Variants in SGCZ observed in about 807,000 individuals in gnomAD.
The protein encoded by SGCZ is sarcoglycan zeta.
In SGCZ, 40 loss-of-function variants were observed where a neutral mutation model predicts 41.3. The observed-to-expected ratio is 0.97, with a 90% CI of 0.75 to 1.26. The LOEUF (loss-of-function observed/expected upper bound fraction) is 1.26, where lower values mean the gene tolerates loss of function less well. Among genes scored for constraint, SGCZ ranks in the 50% most tolerant of loss-of-function variants. The probability of loss-of-function intolerance (pLI) is 0.00; values close to 1 mark genes in which losing one functional copy is unlikely to be tolerated. For synonymous variants in SGCZ, 206 were observed against 137.5 expected (o/e 1.50, Z -3.49); for missense variants, 552 against 369.8 (o/e 1.49, Z -4.04).
chr8:14,779,075 A>T (rs537622985), intron 1 of SGCZ, among the ~76,000 whole-genome samples: 2 of 152,212 alleles, frequency 1.3e-5, no homozygotes, highest in African/African-American at 4.8e-5. Context: ...ACTCAAGTGC[A>T]TATTTTCAAG....
chr8:14,102,075 TTTATATATA>T (rs1325093998), intron 7 of SGCZ, among the ~76,000 whole-genome samples: 597 of 31,042 alleles, frequency 0.019, 5 homozygotes, highest in Admixed American at 0.047. Context: ...CTTGGCTAAC[TTTATATATA>T]TATATATATA....
chr8:14,855,123 G>A (rs965399630), intron 1 of SGCZ, among the ~76,000 whole-genome samples: 1 of 151,794 alleles, frequency 6.6e-6, no homozygotes, highest in Admixed American at 6.6e-5. Context: ...CACAATCTTG[G>A]CTCACTGCAA....
intron 2 of SGCZ, among the ~76,000 whole-genome samples, chr8:14,427,889 T>G (rs936433293): frequency 5.9e-5 from 9 of 152,098 alleles, no homozygotes; most frequent in African/African-American, 2.2e-4. Context: ...AAATAATGCA[T>G]TAAAAAACAG....
At chr8:15,184,455 A>G (rs950888131) in intron 1 of SGCZ, among the ~76,000 whole-genome samples, 2 of 152,146 alleles carry the variant, frequency 1.3e-5, no homozygotes, top group Non-Finnish European at 1.5e-5. Flanking sequence ...AAATCTGAGA[A>G]GTTGTATCGG....
At chr8:14,290,600 A>G (rs374845419) in intron 3 of SGCZ, among the ~76,000 whole-genome samples, 63 of 152,244 alleles carry the variant, frequency 4.1e-4, no homozygotes, top group Admixed American at 4.6e-4. Context: ...AACATCACTC[A>G]TCATTACAAA....
chr8:15,152,211 C>T (rs1310508728), intron 1 of SGCZ, among the ~76,000 whole-genome samples: 3 of 152,084 alleles, frequency 2.0e-5, no homozygotes, highest in African/African-American at 7.2e-5. Flanking sequence ...ATTGCTGAAT[C>T]ACAGGAAACA....
intron 1 of SGCZ, among the ~76,000 whole-genome samples, chr8:14,874,475 A>C (rs1413282996): frequency 1.3e-5 from 2 of 152,294 alleles, no homozygotes; most frequent in Admixed American, 6.5e-5. Context: ...AGATGAAATT[A>C]TTCTTTATCC....
intron 1 of SGCZ, among the ~76,000 whole-genome samples, chr8:15,084,897 T>C (rs1394400255): frequency 6.6e-6 from 1 of 152,178 alleles, no homozygotes; most frequent in South Asian, 2.1e-4. Flanking sequence ...AAGACTGACT[T>C]TATCTTATGA....
intron 6 of SGCZ, among the ~76,000 whole-genome samples, chr8:14,103,069 C>T (rs1233162778): frequency 2.0e-5 from 3 of 152,104 alleles, no homozygotes; most frequent in Non-Finnish European, 4.4e-5. Context: ...ACATTTTCTA[C>T]ATCAACTAAT....
chr8:14,227,013 G>A (rs10087349), intron 4 of SGCZ, among the ~76,000 whole-genome samples: 10,276 of 152,114 alleles, frequency 0.068, 468 homozygotes, highest in African/African-American at 0.12. Flanking sequence ...ACTCTAGTGT[G>A]CTTTAGGTAG....
intron 1 of SGCZ, among the ~76,000 whole-genome samples, chr8:14,925,250 A>G (rs557820351): frequency 6.6e-6 from 1 of 152,302 alleles, no homozygotes; most frequent in Non-Finnish European, 1.5e-5. Context: ...TATGGTCTCT[A>G]TCACTGTCGA....
intron 3 of SGCZ, among the ~76,000 whole-genome samples, chr8:14,317,988 T>C (rs1801772991): frequency 1.3e-5 from 2 of 151,852 alleles, no homozygotes; most frequent in South Asian, 4.1e-4. Context: ...AAAAAAAACT[T>C]CTTACAGCTA....
At chr8:14,416,128 C>G (rs1007049763) in intron 2 of SGCZ, among the ~76,000 whole-genome samples, 3 of 151,968 alleles carry the variant, frequency 2.0e-5, no homozygotes, top group Admixed American at 2.0e-4. Flanking sequence ...TGGCTTTAGG[C>G]CAGATCTTCC....
intron 1 of SGCZ, among the ~76,000 whole-genome samples, chr8:14,782,353 C>T (rs1050939885): frequency 6.6e-6 from 1 of 152,132 alleles, no homozygotes; most frequent in Non-Finnish European, 1.5e-5. Flanking sequence ...TCCCCAGGAA[C>T]CTGCTGAATC....
chr8:14,590,013 T>G (rs1159949293), intron 1 of SGCZ, among the ~76,000 whole-genome samples: 1 of 152,140 alleles, frequency 6.6e-6, no homozygotes, highest in Non-Finnish European at 1.5e-5. Context: ...TCAACTGACC[T>G]GGCTGAATAG....
chr8:15,015,658 AG>A (rs1802999011), intron 1 of SGCZ, among the ~76,000 whole-genome samples: 1 of 141,402 alleles, frequency 7.1e-6, no homozygotes, highest in Non-Finnish European at 1.5e-5. Flanking sequence ...ACTGCACTCC[AG>A]CGTAGGCAAC....
intron 5 of SGCZ, among the ~76,000 whole-genome samples, chr8:14,110,661 G>C (rs772227084): frequency 2.6e-5 from 4 of 151,966 alleles, no homozygotes; most frequent in Non-Finnish European, 4.4e-5. Context: ...ATGAGCCAAA[G>C]GTACAAAATT....
intron 7 of SGCZ, among the ~76,000 whole-genome samples, chr8:14,100,014 T>C (rs1031860688): frequency 6.6e-5 from 10 of 152,290 alleles, no homozygotes; most frequent in African/African-American, 2.4e-4. Context: ...TTAAAAACTA[T>C]CTAAGGATAA....
intron 1 of SGCZ, among the ~76,000 whole-genome samples, chr8:15,027,447 T>G (rs1803499217): frequency 6.6e-6 from 1 of 152,114 alleles, no homozygotes; most frequent in South Asian, 2.1e-4. Flanking sequence ...ATGACACTAC[T>G]ATGAGAAGAT....
Sources: allele counts gnomAD v4.1 joint callset (sites outside exome capture counted in the v4.1 genomes callset), GRCh38; gene constraint gnomAD v4.1.1; transcripts MANE v1.5; gene names NCBI Gene and HGNC (gene_info 2026-07-23, HGNC 2026-07-21).